PTPRM: variants seen among roughly 807,000 people sequenced by gnomAD.
PTPRM encodes receptor-type tyrosine-protein phosphatase mu.
Under a neutral mutation model 186.7 loss-of-function variants are expected in PTPRM, and 47 were observed. The observed-to-expected ratio is 0.25, with a 90% CI of 0.20 to 0.32. The LOEUF is 0.32. Among genes scored for constraint, PTPRM ranks in the 10% least tolerant of loss-of-function variants. The probability of loss-of-function intolerance (pLI) is 1.00; values close to 1 mark genes in which losing one functional copy is unlikely to be tolerated. For missense variants in PTPRM, 1,494 were observed against 1,865.0 expected (o/e 0.80, Z 3.66); for synonymous variants, 668 against 674.9 (o/e 0.99, Z 0.16).
At chr18:7,993,181 A>C (rs530883223) in intron 7 of PTPRM, among the ~76,000 whole-genome samples, 67 of 152,134 alleles carry the variant, frequency 4.4e-4, no homozygotes, top group Middle Eastern at 3.4e-3. Flanking sequence ...AGTCAGACAT[A>C]AATGAATGAA....
chr18:7,737,400 T>C (rs937901521), intron 1 of PTPRM, among the ~76,000 whole-genome samples: 5 of 152,240 alleles, frequency 3.3e-5, no homozygotes, highest in Non-Finnish European at 5.9e-5. Context: ...CGGCCAACTC[T>C]GGAATTTTTA....
chr18:8,081,937 G>C (rs552777030), intron 9 of PTPRM, among the ~76,000 whole-genome samples: 3 of 152,234 alleles, frequency 2.0e-5, no homozygotes, highest in African/African-American at 4.8e-5. Context: ...ATGACTGGAA[G>C]CCAGCTAAGA....
intron 2 of PTPRM, among the ~76,000 whole-genome samples, chr18:7,875,426 C>T (rs1419305705): frequency 1.3e-5 from 2 of 151,148 alleles, no homozygotes; most frequent in South Asian, 4.2e-4. Context: ...TGGGTTCAAG[C>T]GATTCTCCTG....
chr18:7,768,646 ATAT>A (rs1330201233), intron 1 of PTPRM, among the ~76,000 whole-genome samples: 3 of 93,526 alleles, frequency 3.2e-5, no homozygotes, highest in African/African-American at 1.8e-4. Context: ...ATATATATAT[ATAT>A]TTTTTTTTTT....
intron 14 of PTPRM, among the ~76,000 whole-genome samples, chr18:8,238,651 G>GGTTT (rs2094376091): frequency 3.9e-5 from 1 of 25,758 alleles, no homozygotes; most frequent in Non-Finnish European, 6.8e-5. Context: ...TGTTTTGTGT[G>GGTTT]TTTTTTTTTT....
At position 8,087,454 on chromosome 18, in the gene PTPRM, A is replaced by G. The variant is rs535028609; in HGVS notation, c.1754-1295A>G. On this transcript the variant is annotated intron_variant, in intron 10 of 32. Transcript: ENST00000580170. Reference sequence around the variant, plus strand: ...GGCTGAGGAGACCTCAGGAAACACAATCATGGTAGATTCTAATCAATGGTT... The same window carrying G: ...GGCTGAGGAGACCTCAGGAAACACAGTCATGGTAGATTCTAATCAATGGTT... 5.9e-5 allele frequency among the ~76,000 whole-genome samples: 9 copies of G among 152,244 alleles called. No individual in the cohort carries two copies. The South Asian group carries it at 1.2e-3, about 21-fold the overall frequency.
At chr18:8,111,125 CTG>C (rs1354300491) in intron 11 of PTPRM, among the ~76,000 whole-genome samples, 12 of 152,186 alleles carry the variant, frequency 7.9e-5, no homozygotes, top group African/African-American at 2.7e-4. Flanking sequence ...AAGATAAACT[CTG>C]TGTGTGTTGG....
At chr18:8,125,963 A>ATG (rs1308091148) in intron 13 of PTPRM, among the ~76,000 whole-genome samples, 1 of 128,262 alleles carries the variant, frequency 7.8e-6, no homozygotes, top group South Asian at 2.6e-4. Flanking sequence ...AGAATGCTAT[A>ATG]TGTGTGTGTA....
chr18:8,384,666 C>T lies in PTPRM; in HGVS notation c.4024C>T (p.Arg1342Cys), dbSNP rs761371811. 7 of 1,613,998 alleles carry T rather than the reference C, an allele frequency of 4.3e-6. No individual in the cohort carries two copies. The highest frequency in any genetic ancestry group is 1.1e-5 in the South Asian group (1 of 91,072). The change falls in exon 30 of 33, where the codon CGC (arginine) becomes TGC (cysteine). Residue 1342 changes from arginine to cysteine, a missense_variant. Arg to Cys is a radical substitution (Grantham distance 180, BLOSUM62 -3). Around this residue, in one of 3 missense-constraint regions of PTPRM, gnomAD observed 1,107 missense variants for 1,350.2 expected, o/e 0.82. Coordinates refer to ENST00000580170, the MANE Select transcript of PTPRM (RefSeq NM_001105244.2). ...LEEDIISRIF[R>C]IYNAARPQDG... The stretch of plus-strand genomic sequence containing the variant: ...AGAGGACATCATCAGCAGGATATTC[C>T]GCATTTACAATGCCGCCAGAGTAAG...
chr18:8,008,018 AT>A (rs1161266398), intron 7 of PTPRM, among the ~76,000 whole-genome samples: 1 of 152,026 alleles, frequency 6.6e-6, no homozygotes, highest in East Asian at 1.9e-4. Context: ...ATCTTTGCCT[AT>A]TTTTTAGGGT....
intron 7 of PTPRM, among the ~76,000 whole-genome samples, chr18:7,968,412 CA>C (rs2054298351): frequency 7.1e-6 from 1 of 139,950 alleles, no homozygotes; most frequent in Non-Finnish European, 1.5e-5. Context: ...TGAGCAAAAT[CA>C]CCAGCTAACA....
intron 1 of PTPRM, among the ~76,000 whole-genome samples, chr18:7,681,288 A>C (rs924485724): frequency 5.3e-5 from 8 of 152,166 alleles, no homozygotes. Context: ...TAACTTTGAG[A>C]AGGTACTGAT....
chr18:8,310,690 T>C (rs186249552), intron 20 of PTPRM, among the ~76,000 whole-genome samples: 2 of 152,200 alleles, frequency 1.3e-5, no homozygotes, highest in East Asian at 1.9e-4. Flanking sequence ...TTAGCACTTA[T>C]CAAAATTGTA....
intron 14 of PTPRM, among the ~76,000 whole-genome samples, chr18:8,167,757 A>C (rs1568454968): frequency 6.6e-6 from 1 of 152,182 alleles, no homozygotes; most frequent in Non-Finnish European, 1.5e-5. Flanking sequence ...TTCCTTCAGA[A>C]ACAGACACGG....
In PTPRM at chr18:7,568,176, C is replaced by T. The variant is rs1477569511; in HGVS notation, c.73+285C>T. Among the ~76,000 whole-genome samples, 1 of 151,898 alleles carries T rather than the reference C, an allele frequency of 6.6e-6. No individual in the cohort carries two copies. Among genetic ancestry groups the T allele is most frequent in the African/African-American group, 2.4e-5 (1 of 41,412 alleles). ...CGTCCTTCCGCGGCCTGGGCTAGTG[C>T]TCAAGGTTGGGCGGCTTGCACTCTT... On this transcript the variant is annotated intron_variant, in intron 1 of 32. Transcript: ENST00000580170. The surrounding 1 kb of genome is among the most constrained non-coding windows in gnomAD (Gnocchi z 5.1).
At chr18:8,065,634 G>A (rs181140965) in intron 7 of PTPRM, among the ~76,000 whole-genome samples, 1 of 152,294 alleles carries the variant, frequency 6.6e-6, no homozygotes, top group Admixed American at 6.5e-5. Flanking sequence ...GGGTGTGAGT[G>A]TGAAGAAAAA....
At chr18:7,924,282 G>A (rs918521129) in intron 4 of PTPRM, among the ~76,000 whole-genome samples, 1 of 152,044 alleles carries the variant, frequency 6.6e-6, no homozygotes, top group African/African-American at 2.4e-5. Context: ...CACAGCTTTG[G>A]GAGTATGCTT....
intron 7 of PTPRM, among the ~76,000 whole-genome samples, chr18:7,995,218 A>C (rs2083470749): frequency 6.6e-6 from 1 of 152,164 alleles, no homozygotes; most frequent in Admixed American, 6.6e-5. Flanking sequence ...CAACCAAGAT[A>C]GAATGAGGAA....
chr18:7,773,904 A>G (rs2042457035), intron 1 of PTPRM, among the ~76,000 whole-genome samples: 1 of 152,106 alleles, frequency 6.6e-6, no homozygotes, highest in Non-Finnish European at 1.5e-5. Flanking sequence ...GCTGGCTTCT[A>G]CCAACATTAG....
Sources: allele counts gnomAD v4.1 joint callset (sites outside exome capture counted in the v4.1 genomes callset), GRCh38; gene constraint gnomAD v4.1.1; regional missense constraint gnomAD v4.1.1; non-coding constraint Gnocchi (gnomAD v3.1); transcripts MANE v1.5; gene names NCBI Gene and HGNC (gene_info 2026-07-23, HGNC 2026-07-21).